NPAS3: variants seen among roughly 807,000 people sequenced by gnomAD.
The protein encoded by NPAS3 is neuronal PAS domain-containing protein 3.
In NPAS3, 14 loss-of-function variants were observed where a neutral mutation model predicts 73.1. The observed-to-expected ratio is 0.19, with a 90% CI of 0.13 to 0.30. NPAS3 has a LOEUF of 0.30. Among genes scored for constraint, NPAS3 ranks in the 10% least tolerant of loss-of-function variants. The pLI is 1.00. For missense variants in NPAS3, 1,096 were observed against 1,250.0 expected, an observed-to-expected ratio of 0.88 and a Z score of 1.86; for synonymous variants, 620 against 541.5, an observed-to-expected ratio of 1.14 and a Z score of -2.01.
At chr14:33,744,400 C>T (rs1191395026) in intron 7 of NPAS3, among the ~76,000 whole-genome samples, 1 of 152,140 alleles carries the variant, frequency 6.6e-6, no homozygotes, top group Admixed American at 6.6e-5. Context: ...TTAAGTTCAC[C>T]TCTTATTTGG....
At chr14:33,693,132 A>G (rs1418457692) in intron 6 of NPAS3, among the ~76,000 whole-genome samples, 3 of 152,200 alleles carry the variant, frequency 2.0e-5, no homozygotes, top group Admixed American at 6.5e-5. Flanking sequence ...TCAACTGTTC[A>G]TTCACTGATT....
chr14:33,068,930 C>T (rs1351912756), intron 2 of NPAS3, among the ~76,000 whole-genome samples: 1 of 152,084 alleles, frequency 6.6e-6, no homozygotes, highest in Non-Finnish European at 1.5e-5. Flanking sequence ...AGGGAGGCAA[C>T]AGCACACGGG....
intron 2 of NPAS3, among the ~76,000 whole-genome samples, chr14:33,208,969 A>T (rs959200948): frequency 6.6e-6 from 1 of 152,166 alleles, no homozygotes; most frequent in Non-Finnish European, 1.5e-5. Context: ...AAATTGGCCT[A>T]TTATACTCTT....
At chr14:33,299,144 G>T (rs2042422714) in intron 3 of NPAS3, among the ~76,000 whole-genome samples, 1 of 152,142 alleles carries the variant, frequency 6.6e-6, no homozygotes, top group Admixed American at 6.5e-5. Flanking sequence ...GTTAAGCTGA[G>T]GTATAAGTGA....
intron 5 of NPAS3, among the ~76,000 whole-genome samples, chr14:33,561,837 A>G (rs2055664442): frequency 1.3e-5 from 2 of 152,230 alleles, no homozygotes; most frequent in African/African-American, 4.8e-5. Flanking sequence ...AAAAGCATCC[A>G]TTATATACTA....
intron 3 of NPAS3, among the ~76,000 whole-genome samples, chr14:33,267,662 C>G (rs1231445094): frequency 3.9e-5 from 6 of 152,220 alleles, no homozygotes; most frequent in East Asian, 1.9e-4. Context: ...TAAAAATTTT[C>G]AAAAGAATTT....
rs373020674 is a variant in NPAS3 at position 33,674,442 on chromosome 14, A to G, written c.559-1769A>G. ...AAAATAACCATCATCAAGAAATATT[A>G]AAACACACATTTTATTAGTTCCATT... On this transcript the variant is annotated intron_variant, in intron 5 of 11. Coordinates refer to ENST00000356141, the Ensembl canonical transcript of NPAS3. 1.2e-4 allele frequency among the ~76,000 whole-genome samples: 19 copies of G among 152,376 alleles called. No homozygotes were observed. In the East Asian group the frequency reaches 1.7e-3, roughly 14 times the overall value.
chr14:33,761,143 G>A (rs888407754), intron 7 of NPAS3, among the ~76,000 whole-genome samples: 4 of 152,188 alleles, frequency 2.6e-5, no homozygotes, highest in African/African-American at 7.2e-5. Flanking sequence ...TTTGTCTTGA[G>A]TTGTCTTACA....
intron 1 of NPAS3, among the ~76,000 whole-genome samples, chr14:33,020,000 A>C (rs1178679676): frequency 6.6e-6 from 1 of 152,206 alleles, no homozygotes; most frequent in East Asian, 1.9e-4. Context: ...AACAATAATT[A>C]TTTTCATGAA....
chr14:33,275,732 A>G (rs1182186925), intron 3 of NPAS3, among the ~76,000 whole-genome samples: 5 of 152,088 alleles, frequency 3.3e-5, no homozygotes, highest in Non-Finnish European at 7.4e-5. Context: ...TTGCTTTTTC[A>G]GTTTGGCTTT....
chr14:33,563,904 T>C (rs1274491590), intron 5 of NPAS3, among the ~76,000 whole-genome samples: 2 of 152,156 alleles, frequency 1.3e-5, no homozygotes, highest in Admixed American at 1.3e-4. Flanking sequence ...TGAAATCTCT[T>C]CCAAAATGTA....
intron 4 of NPAS3, among the ~76,000 whole-genome samples, chr14:33,384,345 T>G (rs986973064): frequency 1.3e-5 from 2 of 152,112 alleles, no homozygotes; most frequent in Non-Finnish European, 2.9e-5. Context: ...TAAGATTAAA[T>G]CATTTTAAAG....
At chr14:33,012,706 A>C (rs982842372) in intron 1 of NPAS3, among the ~76,000 whole-genome samples, 2 of 151,884 alleles carry the variant, frequency 1.3e-5, no homozygotes, top group African/African-American at 2.4e-5. Flanking sequence ...CCGCCACCAC[A>C]CATGGCTAAT....
chr14:33,591,102 A>G (rs1023584619), intron 5 of NPAS3, among the ~76,000 whole-genome samples: 3 of 152,092 alleles, frequency 2.0e-5, no homozygotes, highest in Non-Finnish European at 4.4e-5. Flanking sequence ...TTTCTCTACA[A>G]CTGTTTCTTA....
chr14:33,762,045 T>C (rs929772419), intron 7 of NPAS3, among the ~76,000 whole-genome samples: 3 of 152,234 alleles, frequency 2.0e-5, no homozygotes, highest in African/African-American at 4.8e-5. Flanking sequence ...CCTGATCTCA[T>C]TTAATGCATT....
At chr14:33,583,083 T>G (rs1383467655) in intron 5 of NPAS3, among the ~76,000 whole-genome samples, 2 of 149,348 alleles carry the variant, frequency 1.3e-5, no homozygotes, top group African/African-American at 5.0e-5. Flanking sequence ...ACCTTACTTA[T>G]CACTGTGGGT....
At chr14:33,187,913 A>T (rs1190414278) in intron 2 of NPAS3, among the ~76,000 whole-genome samples, 1 of 152,170 alleles carries the variant, frequency 6.6e-6, no homozygotes, top group Non-Finnish European at 1.5e-5. Context: ...TTTCTCTAAC[A>T]TCTCTGAAAT....
At chr14:33,204,159 A>AG (rs2046734043) in intron 2 of NPAS3, among the ~76,000 whole-genome samples, 1 of 152,176 alleles carries the variant, frequency 6.6e-6, no homozygotes. Context: ...GGGAAGACTT[A>AG]GTTCCTGAGT....
At chr14:33,079,931 C>G (rs988810550) in intron 2 of NPAS3, among the ~76,000 whole-genome samples, 2 of 151,536 alleles carry the variant, frequency 1.3e-5, no homozygotes, top group Admixed American at 1.3e-4. Flanking sequence ...CTTTTTCTTT[C>G]AAATGTTCAG....
Sources: gnomAD v4.1 joint callset for allele counts (sites outside exome capture counted in the v4.1 genomes callset) on GRCh38, gnomAD v4.1.1 for gene constraint, MANE v1.5 for transcripts, NCBI Gene and HGNC (gene_info 2026-07-23, HGNC 2026-07-21) for gene names.